Variants in SASH1 observed in about 807,000 individuals in gnomAD.
SASH1 encodes the protein SAM and SH3 domain containing 1, also known as SAM and SH3 domain-containing protein 1.
SASH1 carries 44 observed loss-of-function variants against 125.2 expected under a neutral mutation model. The observed-to-expected ratio is 0.35, with a 90% CI of 0.28 to 0.45. The LOEUF (loss-of-function observed/expected upper bound fraction) is 0.45. SASH1 is among the 20% of genes least tolerant of loss of function. The pLI is 1.00. For missense variants in SASH1, 1,426 were observed against 1,614.5 expected, an observed-to-expected ratio of 0.88 and a Z score of 2.00; for synonymous variants, 639 against 649.1, an observed-to-expected ratio of 0.98 and a Z score of 0.24.
chr6:148,383,900 C>A (rs1199918347), intron 1 of SASH1, among the ~76,000 whole-genome samples: 1 of 152,128 alleles, frequency 6.6e-6, no homozygotes, highest in Non-Finnish European at 1.5e-5. Context: ...CGGTACAATG[C>A]CCCTTATCTC....
chr6:148,352,036 A>G (rs1044272554), intron 1 of SASH1, among the ~76,000 whole-genome samples: 1 of 152,214 alleles, frequency 6.6e-6, no homozygotes, highest in African/African-American at 2.4e-5. Context: ...AGAGAAGAGT[A>G]ACAACCTTAA....
the SASH1 span, among the ~76,000 whole-genome samples, chr6:148,229,319 G>C: frequency 2.0e-5 from 3 of 152,064 alleles, no homozygotes; most frequent in Non-Finnish European, 2.9e-5. Flanking sequence ...GGGAGGGTTA[G>C]TGGACTACAT....
intron 1 of SASH1, among the ~76,000 whole-genome samples, chr6:148,297,071 G>A (rs994778450): frequency 6.6e-6 from 1 of 152,146 alleles, no homozygotes; most frequent in Non-Finnish European, 1.5e-5. Context: ...ATATGGACAG[G>A]ACTGCTGCTC....
At chr6:148,472,276 A>G (rs1398932787) in intron 6 of SASH1, among the ~76,000 whole-genome samples, 1 of 152,152 alleles carries the variant, frequency 6.6e-6, no homozygotes, top group Non-Finnish European at 1.5e-5. Flanking sequence ...AATTATCAGT[A>G]CGCGTGGAAA....
At chr6:148,387,683 T>G (rs113535207) in intron 1 of SASH1, among the ~76,000 whole-genome samples, 11 of 125,112 alleles carry the variant, frequency 8.8e-5, no homozygotes, top group African/African-American at 3.4e-4. Flanking sequence ...TTTCTTTCTT[T>G]CTTTCTTTCG....
At chr6:148,395,735 C>T (rs1046207070) in intron 2 of SASH1, among the ~76,000 whole-genome samples, 2 of 152,130 alleles carry the variant, frequency 1.3e-5, no homozygotes, top group Non-Finnish European at 2.9e-5. Context: ...AATCCCTGGG[C>T]ACCATGTGTT....
intron 10 of SASH1, among the ~76,000 whole-genome samples, chr6:148,520,609 A>G (rs1277369439): frequency 6.6e-6 from 1 of 152,070 alleles, no homozygotes; most frequent in African/African-American, 2.4e-5. Flanking sequence ...TTGAGTGCCC[A>G]TTAAAATAAG....
At chr6:148,538,592 T>C (rs542316869) in intron 16 of SASH1, among the ~76,000 whole-genome samples, 2 of 152,272 alleles carry the variant, frequency 1.3e-5, no homozygotes, top group South Asian at 2.1e-4. Flanking sequence ...TAATTTGGGA[T>C]TCTAATTGAG....
chr6:148,529,797 GTT>G lies in SASH1; in HGVS notation c.1429-1720_1429-1719del, dbSNP rs774633309. ...AAATAATGGAAGGTTTTATGTGGTT[GTT>G]TTTTTTTTGTTTTTGTTTTTGTTTT... is the stretch of plus-strand genomic sequence containing the variant. On this transcript the variant is annotated intron_variant, in intron 12 of 19. Coordinates refer to ENST00000367467, the MANE Select transcript of SASH1 (RefSeq NM_015278.5). The surrounding 1 kb of genome is among the most constrained non-coding windows in gnomAD (Gnocchi z 4.2). Among the ~76,000 whole-genome samples, 1 of 145,596 alleles carries G rather than the reference GTT, an allele frequency of 6.9e-6. No individual in the cohort carries two copies. Among genetic ancestry groups the G allele is most frequent in the Non-Finnish European group, 1.5e-5 (1 of 66,328 alleles).
chr6:148,334,249 C>A (rs1182680495), intron 1 of SASH1, among the ~76,000 whole-genome samples: 1 of 142,836 alleles, frequency 7.0e-6, no homozygotes, highest in South Asian at 2.2e-4. Context: ...ACGGTGAAAC[C>A]CTGTCTCTAC....
At chr6:148,294,221 G>A (rs1484795620) in intron 1 of SASH1, among the ~76,000 whole-genome samples, 1 of 152,188 alleles carries the variant, frequency 6.6e-6, no homozygotes, top group East Asian at 1.9e-4. Flanking sequence ...ATGTGTTACT[G>A]GCCACAAGAG....
At chr6:148,279,984 CAA>C (rs34727631) in intron 1 of SASH1, among the ~76,000 whole-genome samples, 23 of 116,856 alleles carry the variant, frequency 2.0e-4, no homozygotes, top group Admixed American at 2.9e-4. Context: ...GACCATGTCT[CAA>C]AAAAAAAAAA....
chr6:148,319,256 T>C (rs7748554), intron 1 of SASH1, among the ~76,000 whole-genome samples: 64,764 of 150,686 alleles, frequency 0.43, 14,335 homozygotes, highest in African/African-American at 0.55. Context: ...AGGATGGTCT[T>C]GATCTCCTGA....
chr6:148,469,883 G>A (rs1778018671), intron 5 of SASH1, among the ~76,000 whole-genome samples: 8 of 151,974 alleles, frequency 5.3e-5, no homozygotes. Flanking sequence ...AAAATTAGCT[G>A]GGCGTGGTGG....
At chr6:148,353,723 CCA>C (rs879517912) in intron 1 of SASH1, among the ~76,000 whole-genome samples, 88,823 of 151,688 alleles carry the variant, frequency 0.59, 25,962 homozygotes, top group Middle Eastern at 0.67. Context: ...GCGTGAGCCA[CCA>C]TACCTGACCA....
At chr6:148,257,462 T>A in the SASH1 span, among the ~76,000 whole-genome samples, 3 of 152,202 alleles carry the variant, frequency 2.0e-5, no homozygotes, top group Non-Finnish European at 4.4e-5. Context: ...TAGTCTCTCA[T>A]GTGTTCCTGA....
intron 2 of SASH1, among the ~76,000 whole-genome samples, chr6:148,393,258 C>T (rs2114840251): frequency 6.6e-6 from 1 of 150,524 alleles, no homozygotes. Context: ...CAGGGTTTCT[C>T]CATGTTGGTC....
chr6:148,249,199 C>A, the SASH1 span, among the ~76,000 whole-genome samples: 1 of 152,190 alleles, frequency 6.6e-6, no homozygotes, highest in Non-Finnish European at 1.5e-5. Flanking sequence ...AAAGAATATA[C>A]AGGTCCTAGA....
At chr6:148,325,256 C>T (rs1488237526) in intron 1 of SASH1, among the ~76,000 whole-genome samples, 1 of 64,626 alleles carries the variant, frequency 1.5e-5, no homozygotes, top group Non-Finnish European at 3.5e-5. Flanking sequence ...AGGGGAAAAG[C>T]CTCTTTTGTT....
Sources: allele counts gnomAD v4.1 joint callset (sites outside exome capture counted in the v4.1 genomes callset), GRCh38; gene constraint gnomAD v4.1.1; non-coding constraint Gnocchi (gnomAD v3.1); transcripts MANE v1.5; gene names NCBI Gene and HGNC (gene_info 2026-07-23, HGNC 2026-07-21).